The following XYLT1 variants were observed in gnomAD, a reference collection of about 807,000 sequenced individuals.
The protein encoded by XYLT1 is beta-D-xylosyltransferase 1.
In XYLT1, 36 loss-of-function variants were observed where a neutral mutation model predicts 91.3. That is an observed-to-expected ratio of 0.39 (90% CI 0.30 to 0.52). XYLT1 has a LOEUF of 0.52. Among genes scored for constraint, XYLT1 ranks in the 20% least tolerant of loss-of-function variants. The probability of loss-of-function intolerance (pLI) is 0.68; values close to 1 mark genes in which losing one functional copy is unlikely to be tolerated. For synonymous variants in XYLT1, 588 were observed against 532.0 expected, an observed-to-expected ratio of 1.11 and a Z score of -1.45; for missense variants, 1,242 against 1,284.5, an observed-to-expected ratio of 0.97 and a Z score of 0.51.
intron 3 of XYLT1, among the ~76,000 whole-genome samples, chr16:17,249,273 T>C (rs1342883766): frequency 2.0e-5 from 3 of 152,198 alleles, no homozygotes; most frequent in African/African-American, 7.2e-5. Context: ...ACAGAGATTC[T>C]AGATGCCCAT....
At chr16:17,459,348 G>A (rs971789924) in intron 1 of XYLT1, among the ~76,000 whole-genome samples, 5 of 152,152 alleles carry the variant, frequency 3.3e-5, no homozygotes, top group African/African-American at 7.2e-5. Flanking sequence ...TTCTAGCCGG[G>A]GTGACGTAAG....
intron 1 of XYLT1, among the ~76,000 whole-genome samples, chr16:17,458,761 C>G (rs978181366): frequency 9.9e-5 from 15 of 152,012 alleles, no homozygotes; most frequent in African/African-American, 3.1e-4. Context: ...TTTTGTTAAC[C>G]CACTTCTTCT....
chr16:17,288,538 A>T (rs1283050738), intron 2 of XYLT1, among the ~76,000 whole-genome samples: 1 of 152,116 alleles, frequency 6.6e-6, no homozygotes, highest in Non-Finnish European at 1.5e-5. Context: ...TGCCCTTGGC[A>T]ATGTGCCCTG....
At chr16:17,279,205 G>A (rs146570681) in intron 2 of XYLT1, among the ~76,000 whole-genome samples, 77 of 152,326 alleles carry the variant, frequency 5.1e-4, no homozygotes, top group African/African-American at 1.8e-3. Flanking sequence ...AGACTACCTG[G>A]GTTCTCAACT....
chr16:17,387,825 C>T (rs1489541612), intron 1 of XYLT1, among the ~76,000 whole-genome samples: 1 of 152,214 alleles, frequency 6.6e-6, no homozygotes, highest in Admixed American at 6.5e-5. Context: ...CCTATTTCTG[C>T]TGTAGACACC....
intron 1 of XYLT1, among the ~76,000 whole-genome samples, chr16:17,468,198 G>A (rs1596563159): frequency 6.6e-6 from 1 of 152,220 alleles, no homozygotes; most frequent in Non-Finnish European, 1.5e-5. Context: ...GACAGACCCC[G>A]GGCTCCAGCC....
chr16:17,117,900 C>A lies in XYLT1; in HGVS notation c.2303G>T (p.Gly768Val). The change falls in exon 11 of 12, where the codon GGT becomes GTT. Residue 768 changes from glycine (G) to valine (V), a missense_variant. Gly to Val is a moderately radical substitution (Grantham distance 109). Around this residue, in one of 3 missense-constraint regions of XYLT1, gnomAD observed 511 missense variants for 497.0 expected, o/e 1.03. Transcript: ENST00000261381. The part of the protein sequence containing the change: ...GLLGPMDEPV[G>V]MQKWGKGPNV... ...AGGTCCCTTCCCCCACTTCTGCATA[C>A]CCACCGGCTCATCCATGGGCCCCAG... 3 of 1,614,114 alleles carry A rather than the reference C, an allele frequency of 1.9e-6. No homozygotes were observed. The highest frequency in any genetic ancestry group is 1.7e-6 in the Non-Finnish European group (2 of 1,180,014).
intron 2 of XYLT1, among the ~76,000 whole-genome samples, chr16:17,310,031 T>C (rs1197375638): frequency 6.6e-6 from 1 of 152,286 alleles, no homozygotes; most frequent in East Asian, 1.9e-4. Context: ...CCTGTAAAGA[T>C]GGGATCAGAT....
chr16:17,442,168 C>T (rs937140075), intron 1 of XYLT1, among the ~76,000 whole-genome samples: 5 of 152,114 alleles, frequency 3.3e-5, no homozygotes, highest in Non-Finnish European at 5.9e-5. Context: ...ACACTCTGGC[C>T]CTCCTGGGAC....
intron 1 of XYLT1, among the ~76,000 whole-genome samples, chr16:17,459,008 G>A (rs1022692103): frequency 1.3e-5 from 2 of 152,104 alleles, no homozygotes; most frequent in African/African-American, 2.4e-5. Flanking sequence ...TCATCAAGTT[G>A]TATATTTAGA....
At chr16:17,425,024 G>C (rs1426845397) in intron 1 of XYLT1, among the ~76,000 whole-genome samples, 4 of 152,132 alleles carry the variant, frequency 2.6e-5, no homozygotes, top group Non-Finnish European at 4.4e-5. Flanking sequence ...CTCCACCCTT[G>C]AACTTGGCTC....
At chr16:17,238,016 C>T (rs192410165) in intron 3 of XYLT1, among the ~76,000 whole-genome samples, 100 of 152,300 alleles carry the variant, frequency 6.6e-4, no homozygotes, top group African/African-American at 2.3e-3. Flanking sequence ...AGCATCCTTT[C>T]GGTGAGGGCA....
At chr16:17,238,216 C>G (rs1477828431) in intron 3 of XYLT1, among the ~76,000 whole-genome samples, 1 of 152,206 alleles carries the variant, frequency 6.6e-6, no homozygotes, top group East Asian at 1.9e-4. Context: ...AATGGCAAAT[C>G]TGTAAAATGT....
At chr16:17,188,936 T>C (rs1406122186) in intron 5 of XYLT1, among the ~76,000 whole-genome samples, 2 of 152,210 alleles carry the variant, frequency 1.3e-5, no homozygotes, top group Non-Finnish European at 2.9e-5. Context: ...CTCCAGCCTG[T>C]ACCCTTGACC....
chr16:17,199,743 A>G (rs1211926229), intron 4 of XYLT1, among the ~76,000 whole-genome samples: 1 of 152,110 alleles, frequency 6.6e-6, no homozygotes, highest in Non-Finnish European at 1.5e-5. Context: ...TTTGCCTTCC[A>G]CCAGGATTGT....
At chr16:17,142,394 A>C (rs1171795001) in intron 6 of XYLT1, among the ~76,000 whole-genome samples, 2 of 151,744 alleles carry the variant, frequency 1.3e-5, no homozygotes, top group African/African-American at 2.4e-5. Flanking sequence ...AATACATTAA[A>C]TAACAAGATA....
At chr16:17,236,341 C>T (rs1177342646) in intron 3 of XYLT1, among the ~76,000 whole-genome samples, 5 of 151,438 alleles carry the variant, frequency 3.3e-5, no homozygotes, top group Non-Finnish European at 7.4e-5. Context: ...TCTTCCTTTA[C>T]GAGTCTAAAT....
chr16:17,329,998 G>C (rs968036884), intron 2 of XYLT1, among the ~76,000 whole-genome samples: 1 of 152,080 alleles, frequency 6.6e-6, no homozygotes, highest in African/African-American at 2.4e-5. Context: ...GAACCAATGT[G>C]ATGGTGAGGG....
chr16:17,287,766 A>AAGAC (rs1330095991), intron 2 of XYLT1, among the ~76,000 whole-genome samples: 5 of 152,280 alleles, frequency 3.3e-5, no homozygotes, highest in Admixed American at 6.5e-5. Context: ...AGGCAAAAGA[A>AAGAC]AGACAGACAG....
Sources: allele counts gnomAD v4.1 joint callset (sites outside exome capture counted in the v4.1 genomes callset), GRCh38; gene constraint gnomAD v4.1.1; regional missense constraint gnomAD v4.1.1; transcripts MANE v1.5; gene names NCBI Gene and HGNC (gene_info 2026-07-23, HGNC 2026-07-21).